Variants in DLG2 observed in about 807,000 individuals in gnomAD.
DLG2 encodes the protein discs large MAGUK scaffold protein 2.
DLG2 carries 45 observed loss-of-function variants against 132.5 expected under a neutral mutation model. The observed-to-expected ratio is 0.34, with a 90% CI of 0.27 to 0.44. The LOEUF (loss-of-function observed/expected upper bound fraction) is 0.44. Ranked by LOEUF, DLG2 falls within the 20% of genes least tolerant of loss-of-function variation. The pLI is 1.00. For synonymous variants in DLG2, 424 were observed against 419.6 expected, an observed-to-expected ratio of 1.01 and a Z score of -0.13; for missense variants, 1,045 against 1,196.9, an observed-to-expected ratio of 0.87 and a Z score of 1.87.
At chr11:84,770,368 C>T (rs2069111946) in intron 6 of DLG2, among the ~76,000 whole-genome samples, 1 of 152,066 alleles carries the variant, frequency 6.6e-6, no homozygotes. Flanking sequence ...TAGGTAAACT[C>T]ATGTCATATG....
chr11:85,107,342 AT>A (rs1468352926), intron 6 of DLG2, among the ~76,000 whole-genome samples: 2 of 152,054 alleles, frequency 1.3e-5, no homozygotes, highest in East Asian at 1.9e-4. Context: ...ACCACACATT[AT>A]AGCCATTTCT....
At chr11:84,084,768 G>T (rs1250163509) in intron 10 of DLG2, among the ~76,000 whole-genome samples, 1 of 152,050 alleles carries the variant, frequency 6.6e-6, no homozygotes, top group Non-Finnish European at 1.5e-5. Context: ...CATTTTCTGG[G>T]ATATAGTTTA....
At chr11:85,021,188 T>G (rs2060032788) in intron 6 of DLG2, 1 of 1,031,070 alleles carries the variant, frequency 9.7e-7, no homozygotes, top group Non-Finnish European at 1.5e-6. Flanking sequence ...GCTTTTTCCC[T>G]TCGTGAGTTG....
At chr11:85,507,218 T>A (rs901292708) in intron 3 of DLG2, among the ~76,000 whole-genome samples, 2 of 152,212 alleles carry the variant, frequency 1.3e-5, no homozygotes, top group African/African-American at 4.8e-5. Flanking sequence ...ACATTTAAGG[T>A]TAATAACGTT....
At chr11:84,624,919 G>A (rs998214440) in intron 6 of DLG2, among the ~76,000 whole-genome samples, 5 of 130,640 alleles carry the variant, frequency 3.8e-5, no homozygotes, top group African/African-American at 1.6e-4. Context: ...GTGCAGTGGC[G>A]GGATCTCAGC....
chr11:83,952,861 AAT>A (rs1298415591), intron 14 of DLG2, among the ~76,000 whole-genome samples: 10 of 152,238 alleles, frequency 6.6e-5, no homozygotes, highest in African/African-American at 2.4e-4. Context: ...TTTTTCTACA[AAT>A]ATATATTACT....
chr11:85,451,220 C>G (rs996564163), intron 3 of DLG2, among the ~76,000 whole-genome samples: 2 of 152,180 alleles, frequency 1.3e-5, no homozygotes, highest in Non-Finnish European at 2.9e-5. Context: ...TTCAACTTCT[C>G]TGCCACTAAC....
chr11:84,972,776 T>G (rs910453111), intron 6 of DLG2, among the ~76,000 whole-genome samples: 6 of 152,014 alleles, frequency 3.9e-5, no homozygotes, highest in Non-Finnish European at 7.4e-5. Context: ...CTTTCCCTCA[T>G]GCCATCCCTC....
At chr11:84,636,151 A>C (rs1214902373) in intron 6 of DLG2, among the ~76,000 whole-genome samples, 1 of 152,224 alleles carries the variant, frequency 6.6e-6, no homozygotes, top group Non-Finnish European at 1.5e-5. Flanking sequence ...TGCTTACAGA[A>C]TATGAGTGAA....
chr11:84,752,070 C>G (rs2066186739), intron 6 of DLG2, among the ~76,000 whole-genome samples: 1 of 152,188 alleles, frequency 6.6e-6, no homozygotes, highest in African/African-American at 2.4e-5. Context: ...CTCAAATCTT[C>G]CACTGCCCAG....
intron 21 of DLG2, among the ~76,000 whole-genome samples, chr11:83,520,155 G>A (rs193159281): frequency 5.9e-5 from 9 of 152,278 alleles, no homozygotes; most frequent in South Asian, 4.1e-4. Flanking sequence ...CATAAAAGGC[G>A]AATGGCATAT....
At chr11:85,213,110 T>C (rs1340601662) in intron 4 of DLG2, among the ~76,000 whole-genome samples, 1 of 152,162 alleles carries the variant, frequency 6.6e-6, no homozygotes, top group East Asian at 1.9e-4. Flanking sequence ...TAGATAAATG[T>C]AGAAACATTA....
intron 18 of DLG2, among the ~76,000 whole-genome samples, chr11:83,667,126 A>G (rs913641829): frequency 6.6e-6 from 1 of 152,240 alleles, no homozygotes; most frequent in Non-Finnish European, 1.5e-5. Context: ...AAAAATATGA[A>G]TAAAGGATAT....
intron 9 of DLG2, among the ~76,000 whole-genome samples, chr11:84,128,938 G>A (rs567684089): frequency 6.6e-6 from 1 of 152,188 alleles, no homozygotes; most frequent in Admixed American, 6.5e-5. Context: ...AAACTTCTAA[G>A]TTGTCAACTC....
intron 6 of DLG2, among the ~76,000 whole-genome samples, chr11:84,790,219 C>T (rs73514919): frequency 6.6e-6 from 1 of 152,106 alleles, no homozygotes. Context: ...TAGGAGAGTT[C>T]TCTTTTCCAC....
At chr11:84,496,256 T>C (rs1382042064) in intron 7 of DLG2, among the ~76,000 whole-genome samples, 1 of 152,208 alleles carries the variant, frequency 6.6e-6, no homozygotes, top group African/African-American at 2.4e-5. Flanking sequence ...AAACCTGCTT[T>C]GAATGAGGTT....
At chr11:85,407,640 G>T (rs1054282981) in intron 3 of DLG2, among the ~76,000 whole-genome samples, 1 of 151,762 alleles carries the variant, frequency 6.6e-6, no homozygotes, top group African/African-American at 2.4e-5. Context: ...AGCAGGGAAA[G>T]TCAGCCTATG....
intron 3 of DLG2, among the ~76,000 whole-genome samples, chr11:85,387,555 A>C (rs1463698299): frequency 6.6e-6 from 1 of 152,200 alleles, no homozygotes; most frequent in Non-Finnish European, 1.5e-5. Context: ...ACAAATGACC[A>C]GTGTATGTCT....
intron 7 of DLG2, among the ~76,000 whole-genome samples, chr11:84,252,239 C>T (rs1274707965): frequency 6.8e-6 from 1 of 147,680 alleles, no homozygotes; most frequent in Non-Finnish European, 1.5e-5. Context: ...GCAACCTCTG[C>T]CTCCCCAGTT....
Sources: gnomAD v4.1 joint callset for allele counts (sites outside exome capture counted in the v4.1 genomes callset) on GRCh38, gnomAD v4.1.1 for gene constraint, MANE v1.5 for transcripts, NCBI Gene and HGNC (gene_info 2026-07-23, HGNC 2026-07-21) for gene names.